PTK2: variants seen among roughly 807,000 people sequenced by gnomAD.
PTK2 encodes the protein focal adhesion kinase 1.
Under a neutral mutation model 150.1 loss-of-function variants are expected in PTK2, and 45 were observed. The observed-to-expected ratio is 0.30, with a 90% confidence interval of 0.24 to 0.38. The LOEUF is 0.38. PTK2 is among the 10% of genes least tolerant of loss of function. The pLI, the probability that PTK2 is intolerant of heterozygous loss-of-function variation, is 1.00. For missense variants in PTK2, 919 were observed against 1,307.3 expected, an observed-to-expected ratio of 0.70 and a Z score of 4.58; for synonymous variants, 432 against 449.2, an observed-to-expected ratio of 0.96 and a Z score of 0.48.
At chr8:140,782,257 G>T in intron 14 of PTK2, among the ~76,000 whole-genome samples, 1 of 148,952 alleles carries the variant, frequency 6.7e-6, no homozygotes, top group East Asian at 2.0e-4. Context: ...TTTTTTTTGG[G>T]GGGGGGGACA....
intron 4 of PTK2, 80 bp downstream of exon 4, chr8:140,879,391 T>G: frequency 7.2e-7 from 1 of 1,384,992 alleles, no homozygotes; most frequent in South Asian, 1.5e-5. Flanking sequence ...ATTAAACATA[T>G]ACATTTGTTA....
intron 1 of PTK2, among the ~76,000 whole-genome samples, chr8:140,996,048 G>A (rs2100197620): frequency 6.6e-6 from 1 of 151,734 alleles, no homozygotes. Flanking sequence ...TCGCGCCACT[G>A]GGTGACAGAG....
chr8:140,937,086 T>C (rs1224029254), intron 1 of PTK2, among the ~76,000 whole-genome samples: 1 of 152,180 alleles, frequency 6.6e-6, no homozygotes, highest in Non-Finnish European at 1.5e-5. Flanking sequence ...TTTCTGATCC[T>C]AGACAAATAA....
At chr8:140,895,955 C>T (rs2100156041) in intron 2 of PTK2, among the ~76,000 whole-genome samples, 1 of 152,056 alleles carries the variant, frequency 6.6e-6, no homozygotes, top group Non-Finnish European at 1.5e-5. Flanking sequence ...AAAATTGATA[C>T]ACCTCTCTAA....
At chr8:140,901,531 C>A (rs1012177929) in intron 2 of PTK2, among the ~76,000 whole-genome samples, 1 of 151,916 alleles carries the variant, frequency 6.6e-6, no homozygotes, top group African/African-American at 2.4e-5. Context: ...CATCTGACAA[C>A]GGATTAATAA....
chr8:140,794,082 T>C (rs1323467622), intron 12 of PTK2, among the ~76,000 whole-genome samples: 1 of 152,208 alleles, frequency 6.6e-6, no homozygotes, highest in Non-Finnish European at 1.5e-5. Context: ...CCTCCCTGGT[T>C]TAACCTCTTT....
chr8:140,834,280 C>A (rs1271890988), intron 7 of PTK2, among the ~76,000 whole-genome samples: 1 of 152,160 alleles, frequency 6.6e-6, no homozygotes, highest in Non-Finnish European at 1.5e-5. Flanking sequence ...AGAGTTACCA[C>A]AGGGACAACC....
intron 14 of PTK2, among the ~76,000 whole-genome samples, chr8:140,780,581 C>A (rs1475013002): frequency 6.6e-6 from 1 of 152,156 alleles, no homozygotes; most frequent in Non-Finnish European, 1.5e-5. Flanking sequence ...AGAGTAATTG[C>A]AACTAGTAAC....
intron 29 of PTK2, 23 bp downstream of exon 33, chr8:140,669,704 A>G (rs1180645392): frequency 6.5e-7 from 1 of 1,532,774 alleles, no homozygotes; most frequent in Non-Finnish European, 8.7e-7. Context: ...CTGGACAGAC[A>G]CACAAAGACA....
intron 12 of PTK2, among the ~76,000 whole-genome samples, chr8:140,797,195 A>G (rs566445366): frequency 3.9e-5 from 6 of 152,334 alleles, no homozygotes; most frequent in Middle Eastern, 6.8e-3. Flanking sequence ...TCTTTAATCA[A>G]TGTAATAAAC....
chr8:140,715,170 T>G lies in PTK2; in HGVS notation c.2142+2428A>C, dbSNP rs1007161478. ...CATTAAAACCGTTTTTTTTTTTTTT[T>G]TTTTTTTTTTTTTTTTTTTTTTGAG... On this transcript the variant is annotated intron_variant, in intron 23 of 31. Coordinates refer to ENST00000522684, the Ensembl canonical transcript of PTK2. Among the ~76,000 whole-genome samples, 548 of 123,894 alleles carry G rather than the reference T, an allele frequency of 4.4e-3. 47 individuals are homozygous for G. The highest frequency in any genetic ancestry group is 0.016 in the African/African-American group (503 of 32,194). The allele number at this position is 123,894 out of a possible 152,430, so 81.3% of individuals were successfully genotyped here.
intron 10 of PTK2, among the ~76,000 whole-genome samples, chr8:140,805,981 T>C (rs1338743957): frequency 6.6e-6 from 1 of 152,230 alleles, no homozygotes; most frequent in Non-Finnish European, 1.5e-5. Flanking sequence ...GATCTTGTCT[T>C]GATGATATGT....
intron 1 of PTK2, among the ~76,000 whole-genome samples, chr8:140,933,284 T>C (rs1395859140): frequency 6.6e-6 from 1 of 151,478 alleles, no homozygotes; most frequent in Non-Finnish European, 1.5e-5. Context: ...ACAGAAGAAC[T>C]GCATAAAATA....
At chr8:140,928,464 C>T (rs922309603) in intron 1 of PTK2, among the ~76,000 whole-genome samples, 2 of 152,122 alleles carry the variant, frequency 1.3e-5, no homozygotes, top group Non-Finnish European at 2.9e-5. Flanking sequence ...GGGTATAAAC[C>T]AAGGAACTGA....
chr8:140,888,550 G>A (rs1302509158), intron 3 of PTK2, among the ~76,000 whole-genome samples: 1 of 152,170 alleles, frequency 6.6e-6, no homozygotes, highest in African/African-American at 2.4e-5. Flanking sequence ...TGCTAAATGA[G>A]TTCTGATAAC....
intron 1 of PTK2, chr8:140,927,215 G>A (rs1318663230): frequency 6.6e-5 from 10 of 152,212 alleles, no homozygotes; most frequent in South Asian, 2.1e-4. Context: ...GTTACTTAAC[G>A]CTAACATTGC....
intron 1 of PTK2, among the ~76,000 whole-genome samples, chr8:140,972,858 T>TC (rs2100187834): frequency 1.6e-5 from 2 of 121,736 alleles, no homozygotes; most frequent in Non-Finnish European, 3.6e-5. Context: ...TGCTGACAAA[T>TC]TTCACCCTAT....
intron 10 of PTK2, among the ~76,000 whole-genome samples, chr8:140,804,648 T>C (rs2100097274): frequency 1.3e-5 from 2 of 152,352 alleles, no homozygotes; most frequent in African/African-American, 4.8e-5. Flanking sequence ...ACAATTTGCT[T>C]GGTTAAGGCC....
chr8:140,935,231 T>G (rs1423362254), intron 1 of PTK2, among the ~76,000 whole-genome samples: 1 of 152,116 alleles, frequency 6.6e-6, no homozygotes, highest in East Asian at 1.9e-4. Flanking sequence ...ACCCATGAAA[T>G]GTCCCAGGGC....
Sources: allele counts gnomAD v4.1 joint callset (sites outside exome capture counted in the v4.1 genomes callset), GRCh38; gene constraint gnomAD v4.1.1; transcripts MANE v1.5; gene names NCBI Gene and HGNC (gene_info 2026-07-23, HGNC 2026-07-21).